Variants in GOLGA7 observed in about 807,000 individuals in gnomAD.
GOLGA7 encodes golgin subfamily A member 7.
Under a neutral mutation model 21.1 loss-of-function variants are expected in GOLGA7, and 10 were observed. The ratio of observed to expected loss-of-function variants is 0.47; its 90% CI spans 0.29 to 0.80. The LOEUF (loss-of-function observed/expected upper bound fraction) is 0.80. Among genes scored for constraint, GOLGA7 ranks in the 30% least tolerant of loss-of-function variants. The pLI, the probability that GOLGA7 is intolerant of heterozygous loss-of-function variation, is 0.08. For missense variants in GOLGA7, 114 were observed against 166.8 expected (o/e 0.68, Z 1.74); for synonymous variants, 64 against 62.6 (o/e 1.02, Z -0.10).
chr8:41,504,589 A>C (rs765575314), intron 2 of GOLGA7, among the ~76,000 whole-genome samples: 5 of 152,238 alleles, frequency 3.3e-5, no homozygotes, highest in Non-Finnish European at 1.5e-5. Context: ...GATGAAAAAA[A>C]CAAATCTTTT....
chr8:41,497,498 C>A lies in GOLGA7; in HGVS notation c.112-11C>A. The A allele has an allele frequency of 7.1e-7, 1 of 1,404,484 alleles. No individual in the cohort carries two copies. The highest frequency in any genetic ancestry group is 9.8e-7 in the Non-Finnish European group (1 of 1,025,342). The allele number at this position is 1,404,484 out of a possible 1,614,324, so 87.0% of individuals were successfully genotyped here. A position where few individuals can be genotyped will look rare whatever the true frequency, so the allele number is the denominator to read the frequency against. On this transcript the variant is annotated splice_polypyrimidine_tract_variant and intron_variant, in intron 1 of 4. Transcript: ENST00000357743. ...CCAAAACTTAATTTTTAAATATTTT[C>A]TTCTCTACAGATTGATAGGCAGCAG... is the stretch of plus-strand genomic sequence containing the variant.
upstream of GOLGA7, chr8:41,490,516 G>C: frequency 3.3e-6 from 1 of 299,688 alleles, no homozygotes; most frequent in Non-Finnish European, 6.3e-6. Context: ...TCCCAGACCT[G>C]AGGTAGGAGG....
intron 1 of GOLGA7, among the ~76,000 whole-genome samples, chr8:41,493,853 T>C (rs1403641133): frequency 6.6e-6 from 1 of 152,216 alleles, no homozygotes; most frequent in Non-Finnish European, 1.5e-5. Flanking sequence ...ATAGAGCTCC[T>C]GTATCAGTGT....
chr8:41,503,496 G>A (rs1285468091), intron 2 of GOLGA7, among the ~76,000 whole-genome samples: 3 of 90,784 alleles, frequency 3.3e-5, no homozygotes, highest in Non-Finnish European at 4.3e-5. Context: ...CCACGCCTAT[G>A]TCCTGAATGG....
At chr8:41,507,007 C>G (rs1198317751) in intron 3 of GOLGA7, 52 bp from the exon 4 acceptor site, 5 of 861,468 alleles carry the variant, frequency 5.8e-6, no homozygotes, top group Non-Finnish European at 1.0e-5. Context: ...GCCAAGTCCC[C>G]CTTTGTGTGT....
chr8:41,496,114 AC>A (rs1240130289), intron 1 of GOLGA7, among the ~76,000 whole-genome samples: 1 of 152,176 alleles, frequency 6.6e-6, no homozygotes, highest in Non-Finnish European at 1.5e-5. Flanking sequence ...TATACATATA[AC>A]CTGAAGGTAA....
At chr8:41,493,904 G>A (rs1215607559) in intron 1 of GOLGA7, among the ~76,000 whole-genome samples, 1 of 152,176 alleles carries the variant, frequency 6.6e-6, no homozygotes, top group East Asian at 1.9e-4. Flanking sequence ...GTTATTCATA[G>A]CCTAAAGGTA....
chr8:41,507,968 G>A (rs1358799113), intron 4 of GOLGA7, among the ~76,000 whole-genome samples: 2 of 152,180 alleles, frequency 1.3e-5, no homozygotes, highest in Admixed American at 1.3e-4. Context: ...CATTTTGAGG[G>A]CACGTACTAT....
In GOLGA7 at chr8:41,509,683, C is replaced by G. The variant is rs1806373840; in HGVS notation, c.*115C>G. On this transcript the variant is annotated 3_prime_UTR_variant, in exon 5 of 5. Transcript: ENST00000357743. Reference sequence around the variant, plus strand: ...CATTCCTTTCTATCTGCTGCCAGAGCCACGGTGCCATTTACTCCAAGGACT... The same window carrying G: ...CATTCCTTTCTATCTGCTGCCAGAGGCACGGTGCCATTTACTCCAAGGACT... 1 of 152,616 alleles carries G rather than the reference C, an allele frequency of 6.6e-6. No individual in the cohort carries two copies. 9.5% of individuals were successfully genotyped at this position (152,616 alleles called of 1,614,324 possible). A position where few individuals can be genotyped will look rare whatever the true frequency, so the allele number is the denominator to read the frequency against.
intron 2 of GOLGA7, chr8:41,505,705 A>AT (rs1222149295): frequency 2.2e-6 from 1 of 449,708 alleles, no homozygotes; most frequent in African/African-American, 2.0e-5. Context: ...TGTCGAAGAT[A>AT]TTTTTGACTG....
In GOLGA7 at chr8:41,490,783, G is replaced by T. The variant is rs919580924; in HGVS notation, c.-72G>T. 4 of 813,832 alleles carry T rather than the reference G, an allele frequency of 4.9e-6. No homozygotes were observed. The highest frequency in any genetic ancestry group is 8.0e-6 in the Non-Finnish European group (4 of 498,104). 50.4% of individuals were successfully genotyped at this position (813,832 alleles called of 1,614,324 possible). ...GAGGGGCTGGCGGGTCAGAGTCCCGGGTCCAGGCCGGGGCTCTGACTCGCG... is the reference window on the plus strand; with the variant it reads ...GAGGGGCTGGCGGGTCAGAGTCCCGTGTCCAGGCCGGGGCTCTGACTCGCG... On this transcript the variant is annotated 5_prime_UTR_variant, in exon 1 of 5. Transcript: ENST00000357743.
At chr8:41,493,098 CT>C (rs948886602) in intron 1 of GOLGA7, among the ~76,000 whole-genome samples, 2 of 152,168 alleles carry the variant, frequency 1.3e-5, no homozygotes, top group African/African-American at 2.4e-5. Context: ...TCAATTGTGC[CT>C]TTGAATTTCT....
intron 2 of GOLGA7, among the ~76,000 whole-genome samples, chr8:41,498,247 G>C (rs1806068150): frequency 6.6e-6 from 1 of 152,140 alleles, no homozygotes; most frequent in Non-Finnish European, 1.5e-5. Flanking sequence ...CCCTTATTCT[G>C]TCTCTCCTAG....
chr8:41,496,804 CTT>C (rs34657481), intron 1 of GOLGA7, among the ~76,000 whole-genome samples: 4 of 91,654 alleles, frequency 4.4e-5, no homozygotes, highest in Non-Finnish European at 7.7e-5. Flanking sequence ...CAGTTTATTG[CTT>C]TTTTTTTTTT....
intron 1 of GOLGA7, among the ~76,000 whole-genome samples, chr8:41,496,960 ACCATGCCCG>A (rs1204120431): frequency 6.6e-6 from 1 of 151,830 alleles, no homozygotes; most frequent in Non-Finnish European, 1.5e-5. Context: ...GGCACCCGCC[ACCATGCCCG>A]GCTAATTTTT....
At chr8:41,494,975 G>A (rs1307268200) in intron 1 of GOLGA7, among the ~76,000 whole-genome samples, 1 of 151,936 alleles carries the variant, frequency 6.6e-6, no homozygotes, top group Non-Finnish European at 1.5e-5. Flanking sequence ...GGAGGCCAGG[G>A]GGGTGGATCA....
intron 2 of GOLGA7, among the ~76,000 whole-genome samples, chr8:41,498,265 A>G (rs139194569): frequency 2.0e-3 from 306 of 152,276 alleles, no homozygotes; most frequent in Middle Eastern, 0.01. Flanking sequence ...TAGACTATTG[A>G]AATAGTCTGA....
chr8:41,495,476 A>T (rs1805988540), intron 1 of GOLGA7, among the ~76,000 whole-genome samples: 1 of 147,322 alleles, frequency 6.8e-6, no homozygotes, highest in Admixed American at 8.1e-5. Flanking sequence ...GTAGAGACAG[A>T]GTTTCACCAT....
In GOLGA7 at chr8:41,509,584, A is replaced by T. The variant is rs559167474; in HGVS notation, c.*16A>T. 5.2e-5 allele frequency: 8 copies of T among 152,674 alleles called. No individual in the cohort carries two copies. In the South Asian group the frequency reaches 1.7e-3, roughly 32 times the overall value. 9.5% of individuals were successfully genotyped at this position (152,674 alleles called of 1,614,324 possible). ...CCTTTACTTCTCCCTCTAATTACAGATCCCACTTCCAGCCGGGCCCCTCAT... is the reference window on the plus strand; with the variant it reads ...CCTTTACTTCTCCCTCTAATTACAGTTCCCACTTCCAGCCGGGCCCCTCAT... On this transcript the variant is annotated splice_region_variant and 3_prime_UTR_variant, in exon 5 of 5. Coordinates refer to ENST00000357743, the MANE Select transcript of GOLGA7 (RefSeq NM_001002296.2).
Sources: gnomAD v4.1 joint callset for allele counts (sites outside exome capture counted in the v4.1 genomes callset) on GRCh38, gnomAD v4.1.1 for gene constraint, MANE v1.5 for transcripts, NCBI Gene and HGNC (gene_info 2026-07-23, HGNC 2026-07-21) for gene names.